Variants in SRCAP observed in about 807,000 individuals in gnomAD.
The protein encoded by SRCAP is Snf2 related CREBBP activator protein.
SRCAP carries 46 observed loss-of-function variants against 263.1 expected under a neutral mutation model. The ratio of observed to expected loss-of-function variants is 0.17; its 90% CI spans 0.14 to 0.22. The LOEUF is 0.22. SRCAP is among the 10% of genes least tolerant of loss of function. SRCAP has a pLI of 1.00. For missense variants in SRCAP, 3,695 were observed against 4,181.9 expected (o/e 0.88, Z 3.21); for synonymous variants, 1,813 against 1,662.1 (o/e 1.09, Z -2.21).
In SRCAP at chr16:30,700,739, C is replaced by T. The variant is rs774055673; in HGVS notation, c.-86C>T. ...GCCAGCTCCCAGCATGCCCTGCAGCCGGACGCCAGCCCCTCGGCCAGCAGT... is the reference window on the plus strand; with the variant it reads ...GCCAGCTCCCAGCATGCCCTGCAGCTGGACGCCAGCCCCTCGGCCAGCAGT... On this transcript the variant is annotated 5_prime_UTR_variant, in exon 3 of 34. Coordinates refer to ENST00000262518, the MANE Select transcript of SRCAP (RefSeq NM_006662.3). The T allele has an allele frequency of 2.5e-5, 34 of 1,345,172 alleles. No individual in the cohort carries two copies. Among genetic ancestry groups the T allele is most frequent in the Non-Finnish European group, 3.2e-5 (31 of 953,924 alleles). The allele number at this position is 1,345,172 out of a possible 1,614,324, so 83.3% of individuals were successfully genotyped here.
rs983763438 is a variant in SRCAP, at chr16:30,740,148, T to C, written c.*415T>C. 6.5e-6 allele frequency: 1 copy of C among 153,602 alleles called. No homozygotes were observed. Among genetic ancestry groups the C allele is most frequent in the Non-Finnish European group, 1.4e-5 (1 of 68,974 alleles). The allele number at this position is 153,602 out of a possible 1,614,324, so 9.5% of individuals were successfully genotyped here. A position where few individuals can be genotyped will look rare whatever the true frequency, so the allele number is the denominator to read the frequency against. The stretch of plus-strand genomic sequence containing the variant: ...ATGAGCATCCGCGTAAGGAGGCTTC[T>C]GATTTTCTGGTCTGGTGGAGGGTTG... On this transcript the variant is annotated 3_prime_UTR_variant, in exon 34 of 34. Coordinates refer to ENST00000262518, the MANE Select transcript of SRCAP (RefSeq NM_006662.3).
chr16:30,737,675 G>A lies in SRCAP; in HGVS notation c.7635G>A (p.Leu2545=). Residue 2545 remains leucine (L), a synonymous_variant, in exon 34 of 34, where the codon TTG becomes TTA. Transcript: ENST00000262518. The part of the protein sequence containing the change: ...PISASVTNLP[L]GLRPEAELCA... Reference sequence around the variant, plus strand: ...CTGCCTCAGTCACTAATCTCCCCTTGGGCTTGAGGCCTGAGGCAGAGCTGT... The same window carrying A: ...CTGCCTCAGTCACTAATCTCCCCTTAGGCTTGAGGCCTGAGGCAGAGCTGT... 1 of 1,614,056 alleles carries A rather than the reference G, an allele frequency of 6.2e-7. No homozygotes were observed. The highest frequency in any genetic ancestry group is 8.5e-7 in the Non-Finnish European group (1 of 1,180,028).
At position 30,724,694 on chromosome 16, in the gene SRCAP, C is replaced by G; in HGVS notation, c.5270C>G (p.Ala1757Gly). ...SLAPAPPLAP[A>G]SPVGPAPAHT... ...GCTCCAGCACCCCCTCTGGCTCCAG[C>G]TTCTCCAGTGGGCCCAGCCCCAGCT... is the stretch of plus-strand genomic sequence containing the variant. Residue 1757 changes from alanine to glycine, a missense_variant, in exon 25 of 34, where the codon GCT (alanine) becomes GGT (glycine). By Grantham distance (60) the Ala-to-Gly change is moderately conservative (BLOSUM62 0). Coordinates refer to ENST00000262518, the MANE Select transcript of SRCAP (RefSeq NM_006662.3). The G allele has an allele frequency of 6.2e-7, 1 of 1,614,176 alleles. No homozygotes were observed. Among genetic ancestry groups the G allele is most frequent in the Non-Finnish European group, 8.5e-7 (1 of 1,180,032 alleles).
In SRCAP at chr16:30,736,429, G is replaced by C. The variant is rs1192311716; in HGVS notation, c.6924+35G>C. On this transcript the variant is annotated intron_variant, in intron 32 of 33. Transcript: ENST00000262518. ...GGACCCACTAGTTCTTGACTTTACT[G>C]CTTCCCCTGGGCTTGTGACCCTCCT... 2.5e-6 allele frequency: 4 copies of C among 1,604,014 alleles called. No homozygotes were observed. The Admixed American group carries it at 6.7e-5, about 27-fold the overall frequency.
chr16:30,733,208 G>A lies in SRCAP; in HGVS notation c.6128-72G>A. On this transcript the variant is annotated intron_variant, in intron 27 of 33. Transcript: ENST00000262518. This position sits in a 1 kb window ranked among gnomAD's most constrained non-coding sequence, Gnocchi z 5.3. Reference sequence around the variant, plus strand: ...AAGCATTGATTATCTTTCAACCCCAGCCTTGCATTGCTAAGCATTCTACCC... The same window carrying A: ...AAGCATTGATTATCTTTCAACCCCAACCTTGCATTGCTAAGCATTCTACCC... The A allele has an allele frequency of 2.6e-6, 4 of 1,524,014 alleles. No individual in the cohort carries two copies. Among genetic ancestry groups the A allele is most frequent in the South Asian group, 1.2e-5 (1 of 84,006 alleles). The allele number at this position is 1,524,014 out of a possible 1,614,324, so 94.4% of individuals were successfully genotyped here. A position where few individuals can be genotyped will look rare whatever the true frequency, so the allele number is the denominator to read the frequency against.
intron 3 of SRCAP, among the ~76,000 whole-genome samples, chr16:30,702,179 T>C: frequency 6.6e-6 from 1 of 151,406 alleles, no homozygotes; most frequent in East Asian, 1.9e-4. Context: ...GTCTTCATCT[T>C]TGACCTCGTG....
chr16:30,706,187 G>A (rs1358851120), intron 4 of SRCAP, among the ~76,000 whole-genome samples: 1 of 152,152 alleles, frequency 6.6e-6, no homozygotes, highest in African/African-American at 2.4e-5. Flanking sequence ...GGCTGGGTGC[G>A]GTGGTTTTCG....
rs996681890 is a variant in SRCAP at position 30,716,132 on chromosome 16, G to A, written c.2560G>A (p.Glu854Lys). 2.5e-6 allele frequency: 4 copies of A among 1,614,074 alleles called. No individual in the cohort carries two copies. The highest frequency in any genetic ancestry group is 2.2e-5 in the East Asian group (1 of 44,900). The change falls in exon 17 of 34, where the codon GAG (glutamate) becomes AAG (lysine). Residue 854 changes from glutamate (E) to lysine (K), a missense_variant. Around this residue, in one of 12 missense-constraint regions of SRCAP, gnomAD observed 147 missense variants for 212.7 expected, o/e 0.69. Coordinates refer to ENST00000262518, the MANE Select transcript of SRCAP (RefSeq NM_006662.3). ...TGAGAAGCAGATGCCCAAAAAGTACGAGCATGTTATCCGCTGCAGGCTCTC... is the reference window on the plus strand; with the variant it reads ...TGAGAAGCAGATGCCCAAAAAGTACAAGCATGTTATCCGCTGCAGGCTCTC... ...DVEKQMPKKY[E>K]HVIRCRLSKR... is the part of the protein sequence containing the mutation.
At chr16:30,722,831 C>T in intron 23 of SRCAP, 83 bp downstream of exon 23, 2 of 1,549,122 alleles carry the variant, frequency 1.3e-6, no homozygotes, top group Non-Finnish European at 1.7e-6. Flanking sequence ...GTCCAGCCTT[C>T]CCTCAGTGTT....
At chr16:30,710,504 C>T (rs1480857355) in intron 8 of SRCAP, 2 of 745,848 alleles carry the variant, frequency 2.7e-6, no homozygotes, top group Admixed American at 1.7e-5. Context: ...GTCTCAAGTG[C>T]ATGGGGAAGT....
chr16:30,740,988 G>A lies in SRCAP; in HGVS notation c.*1255G>A, dbSNP rs960824935. ...AAAGGTGGTTTGATGCCAGGGCCTA[G>A]AGGACCTGAGAAGTAGGGAGACAAG... On this transcript the variant is annotated 3_prime_UTR_variant, in exon 34 of 34. Coordinates refer to ENST00000262518, the MANE Select transcript of SRCAP (RefSeq NM_006662.3). 1.5e-4 allele frequency: 23 copies of A among 152,348 alleles called. No homozygotes were observed. The highest frequency in any genetic ancestry group is 5.3e-4 in the African/African-American group (22 of 41,564). 9.4% of individuals were successfully genotyped at this position (152,348 alleles called of 1,614,324 possible). A position where few individuals can be genotyped will look rare whatever the true frequency, so the allele number is the denominator to read the frequency against.
At chr16:30,719,414 A>C (rs1017146237) in intron 18 of SRCAP, among the ~76,000 whole-genome samples, 1 of 150,724 alleles carries the variant, frequency 6.6e-6, no homozygotes, top group Non-Finnish European at 1.5e-5. Context: ...ATGGGGTTTC[A>C]CCATCTTGGC....
In SRCAP at chr16:30,709,566, G is replaced by C. The variant is rs2052866011; in HGVS notation, c.687G>C (p.Leu229=). 2.5e-6 allele frequency: 4 copies of C among 1,614,128 alleles called. No homozygotes were observed. Among genetic ancestry groups the C allele is most frequent in the Non-Finnish European group, 3.4e-6 (4 of 1,180,026 alleles). ...SRLEEKRKKA[L]DLHLDFIVGQ... The stretch of plus-strand genomic sequence containing the variant: ...TTGAGGAAAAGCGCAAAAAAGCCCT[G>C]GACCTGCATTTGGACTTCATTGTGG... The change falls in exon 7 of 34, where the codon CTG becomes CTC. Residue 229 remains leucine (L), a synonymous_variant. Transcript: ENST00000262518.
intron 16 of SRCAP, among the ~76,000 whole-genome samples, chr16:30,715,317 G>A (rs1396080919): frequency 6.6e-6 from 1 of 152,102 alleles, no homozygotes; most frequent in Non-Finnish European, 1.5e-5. Context: ...TGTAATCCCA[G>A]CACTTTGGGA....
At chr16:30,710,472 A>C in intron 8 of SRCAP, 1 of 726,296 alleles carries the variant, frequency 1.4e-6, no homozygotes, top group South Asian at 1.4e-5. Flanking sequence ...GGTACCCTTA[A>C]GTCTTTTCTG....
intron 22 of SRCAP, 54 bp downstream of exon 22, chr16:30,722,340 T>C (rs2151293320): frequency 3.2e-6 from 5 of 1,574,522 alleles, no homozygotes; most frequent in Non-Finnish European, 4.3e-6. Flanking sequence ...CCTGTCTCTT[T>C]GTTTTTGTGA....
intron 19 of SRCAP, 54 bp downstream of exon 19, chr16:30,720,385 GC>G (rs1279328087): frequency 6.4e-7 from 1 of 1,572,182 alleles, no homozygotes; most frequent in African/African-American, 1.4e-5. Context: ...GCTGAAAGCT[GC>G]CCAGAGGGGC....
At chr16:30,722,045 GGT>G in intron 21 of SRCAP, 75 bp from the exon 22 acceptor site, 1 of 1,530,324 alleles carries the variant, frequency 6.5e-7, no homozygotes, top group Non-Finnish European at 8.9e-7. Flanking sequence ...TCGGGGGAGA[GGT>G]GTGCTTCATG....
intron 31 of SRCAP, among the ~76,000 whole-genome samples, chr16:30,735,183 G>C (rs2053148715): frequency 8.4e-6 from 1 of 118,384 alleles, no homozygotes; most frequent in East Asian, 2.3e-4. Context: ...GTCTCGCTCT[G>C]TCGCCCAGGC....
Sources: allele counts gnomAD v4.1 joint callset (sites outside exome capture counted in the v4.1 genomes callset), GRCh38; gene constraint gnomAD v4.1.1; regional missense constraint gnomAD v4.1.1; non-coding constraint Gnocchi (gnomAD v3.1); transcripts MANE v1.5; gene names NCBI Gene and HGNC (gene_info 2026-07-23, HGNC 2026-07-21).